BCAR3: variants seen among roughly 807,000 people sequenced by gnomAD.
The protein encoded by BCAR3 is BCAR3 adaptor protein, NSP family member, also known as breast cancer anti-estrogen resistance protein 3.
In BCAR3, 37 loss-of-function variants were observed where a neutral mutation model predicts 80.1. That is an observed-to-expected ratio of 0.46 (90% CI 0.36 to 0.61). The LOEUF (loss-of-function observed/expected upper bound fraction) is 0.61. BCAR3 is among the 20% of genes least tolerant of loss of function. BCAR3 has a pLI of 0.00. For synonymous variants in BCAR3, 389 were observed against 418.9 expected, an observed-to-expected ratio of 0.93 and a Z score of 0.87; for missense variants, 978 against 1,068.2, an observed-to-expected ratio of 0.92 and a Z score of 1.18.
intron 2 of BCAR3, chr1:93,720,321 G>C (rs945951588): frequency 6.6e-6 from 1 of 152,282 alleles, no homozygotes; most frequent in Non-Finnish European, 1.5e-5. Context: ...TTAAGACAAA[G>C]AGGGCAAGTT....
At chr1:93,829,784 C>T (rs1016190277) in intron 2 of BCAR3, among the ~76,000 whole-genome samples, 2 of 152,166 alleles carry the variant, frequency 1.3e-5, no homozygotes, top group African/African-American at 4.8e-5. Context: ...TGGCTTACTT[C>T]CAGACTTTGT....
chr1:93,630,637 AAAAAT>A (rs1400135050), intron 3 of BCAR3, among the ~76,000 whole-genome samples: 3 of 152,168 alleles, frequency 2.0e-5, no homozygotes, highest in Non-Finnish European at 4.4e-5. Context: ...TTGTTTCAAA[AAAAAT>A]AAAATAAATA....
intron 3 of BCAR3, among the ~76,000 whole-genome samples, chr1:93,693,956 G>T (rs1406954282): frequency 6.6e-6 from 1 of 152,174 alleles, no homozygotes; most frequent in African/African-American, 2.4e-5. Context: ...TGTGTGCTTT[G>T]CCCACTTAAT....
chr1:93,740,734 T>C lies in BCAR3; in HGVS notation c.-62-34592A>G, dbSNP rs373558905. Among the ~76,000 whole-genome samples, 4 of 152,178 alleles carry C rather than the reference T, an allele frequency of 2.6e-5. No individual in the cohort carries two copies. The East Asian group carries it at 5.8e-4, about 22-fold the overall frequency. ...GAAGAGGCGGCCTTTCCCATCCTTT[T>C]TGTTCTAGTCCAGCAGCCCGGCCTA... is the stretch of plus-strand genomic sequence containing the variant. On this transcript the variant is annotated intron_variant, in intron 2 of 13. Transcript: ENST00000370244.
chr1:93,620,056 C>G (rs1675261509), intron 3 of BCAR3, among the ~76,000 whole-genome samples: 2 of 152,216 alleles, frequency 1.3e-5, no homozygotes, highest in South Asian at 4.1e-4. Flanking sequence ...TTCCTTCCCC[C>G]TTCGAAAGAA....
rs74101657 is a variant in BCAR3, at chr1:93,655,142, C to G, written c.318-12799G>C. ...CTGGGAGCTGAGGCTGGAGAGGAGG[C>G]AGGGCCAGGTCACAAGGGGCTTGGA... On this transcript the variant is annotated intron_variant, in intron 2 of 11. Coordinates refer to ENST00000260502, the MANE Select transcript of BCAR3 (RefSeq NM_003567.4). Among the ~76,000 whole-genome samples the G allele has an allele frequency of 8.8e-3, 1,334 of 152,262 alleles. 23 individuals carry two copies. Among genetic ancestry groups the G allele is most frequent in the African/African-American group, 0.03 (1,244 of 41,538 alleles).
intron 2 of BCAR3, among the ~76,000 whole-genome samples, chr1:93,807,093 A>C (rs1653678342): frequency 1.3e-5 from 2 of 152,098 alleles, no homozygotes; most frequent in Non-Finnish European, 1.5e-5. Context: ...TGACAAAGTG[A>C]GACCCTATCT....
intron 2 of BCAR3, among the ~76,000 whole-genome samples, 158 bp downstream of exon 2, chr1:93,674,456 A>G (rs1284363293): frequency 6.6e-6 from 1 of 152,114 alleles, no homozygotes; most frequent in Non-Finnish European, 1.5e-5. Context: ...GGGTTTCACC[A>G]TGTTGGTCTG....
chr1:93,606,987 G>A (rs1674788895), intron 3 of BCAR3, among the ~76,000 whole-genome samples: 1 of 152,178 alleles, frequency 6.6e-6, no homozygotes. Flanking sequence ...GCATAAAAGG[G>A]GCTGAGTGGC....
intron 2 of BCAR3, among the ~76,000 whole-genome samples, chr1:93,712,406 G>A (rs568129400): frequency 1.8e-3 from 276 of 152,242 alleles, no homozygotes; most frequent in African/African-American, 5.9e-3. Flanking sequence ...ATTGTGCCCC[G>A]CCTGGCACAG....
chr1:93,588,735 C>A (rs189544365), intron 5 of BCAR3, among the ~76,000 whole-genome samples: 1 of 151,816 alleles, frequency 6.6e-6, no homozygotes. Context: ...AAGTCTACCC[C>A]CTTCACAAGG....
intron 7 of BCAR3, among the ~76,000 whole-genome samples, chr1:93,578,450 A>C (rs966600366): frequency 6.6e-6 from 1 of 152,144 alleles, no homozygotes. Flanking sequence ...TCTTCCACCC[A>C]CACAGAATGA....
intron 2 of BCAR3, among the ~76,000 whole-genome samples, chr1:93,727,084 T>A (rs902889889): frequency 6.6e-6 from 1 of 152,232 alleles, no homozygotes; most frequent in African/African-American, 2.4e-5. Flanking sequence ...TTGTACATGG[T>A]GGCTTTGTTT....
In BCAR3 at chr1:93,648,428, C is replaced by T. The variant is rs1012132304; in HGVS notation, c.318-6085G>A. 3.3e-5 allele frequency among the ~76,000 whole-genome samples: 5 copies of T among 151,966 alleles called. No homozygotes were observed. In the South Asian group the frequency reaches 6.2e-4, roughly 19 times the overall value. ...AAAAATGAAAAGGGATGGTCTTCAA[C>T]GAGGTTTGACTGAAATAGAGACCCA... On this transcript the variant is annotated intron_variant, in intron 2 of 11. Coordinates refer to ENST00000260502, the MANE Select transcript of BCAR3 (RefSeq NM_003567.4).
At chr1:93,563,860 T>G (rs1249467138) in intron 11 of BCAR3, among the ~76,000 whole-genome samples, 7 of 152,008 alleles carry the variant, frequency 4.6e-5, no homozygotes. Flanking sequence ...GCCTGGCTAA[T>G]TTTTTGTATT....
intron 3 of BCAR3, among the ~76,000 whole-genome samples, chr1:93,624,053 G>C (rs548347460): frequency 1.3e-5 from 2 of 152,286 alleles, no homozygotes; most frequent in Admixed American, 6.5e-5. Context: ...CTAGGAAGAG[G>C]GAGAGGGATT....
At position 93,592,499 on chromosome 1, in the gene BCAR3, C is replaced by CT; in HGVS notation, c.358-107dup. On this transcript the variant is annotated intron_variant, in intron 3 of 11. Transcript: ENST00000260502. This position sits in a 1 kb window ranked among gnomAD's most constrained non-coding sequence, Gnocchi z 4.8. The stretch of plus-strand genomic sequence containing the variant: ...CTAATCCAACCAGTTATGCTACAGC[C>CT]TGCATTCAGGTAGGGGAGCCTGGAT... The CT allele has an allele frequency of 7.0e-7, 1 of 1,420,266 alleles. No individual in the cohort carries two copies. The highest frequency in any genetic ancestry group is 9.4e-7 in the Non-Finnish European group (1 of 1,065,862). The allele number at this position is 1,420,266 out of a possible 1,614,324, so 88.0% of individuals were successfully genotyped here.
chr1:93,699,281 C>T (rs912911621), intron 3 of BCAR3, among the ~76,000 whole-genome samples: 3 of 152,108 alleles, frequency 2.0e-5, no homozygotes, highest in South Asian at 2.1e-4. Context: ...TGTTTCCCTT[C>T]GGGGGAGAGA....
intron 2 of BCAR3, among the ~76,000 whole-genome samples, chr1:93,780,626 A>G (rs1050113645): frequency 6.6e-6 from 1 of 151,734 alleles, no homozygotes; most frequent in African/African-American, 2.4e-5. Flanking sequence ...AAAGGGCTAG[A>G]AGCTCAAAAC....
Sources: gnomAD v4.1 joint callset for allele counts (sites outside exome capture counted in the v4.1 genomes callset) on GRCh38, gnomAD v4.1.1 for gene constraint, Gnocchi (gnomAD v3.1) non-coding constraint, MANE v1.5 for transcripts, NCBI Gene and HGNC (gene_info 2026-07-23, HGNC 2026-07-21) for gene names.